Variants in KCNQ1 observed in about 807,000 individuals in gnomAD.
The protein encoded by KCNQ1 is potassium voltage-gated channel subfamily KQT member 1.
KCNQ1 carries 49 observed loss-of-function variants against 72.4 expected under a neutral mutation model. The observed-to-expected ratio is 0.68, with a 90% CI of 0.54 to 0.86. The LOEUF (loss-of-function observed/expected upper bound fraction) is 0.86, where lower values mean the gene tolerates loss of function less well. KCNQ1 is among the 40% of genes least tolerant of loss of function. The pLI is 0.00. For missense variants in KCNQ1, 790 were observed against 945.1 expected, an observed-to-expected ratio of 0.84 and a Z score of 2.15; for synonymous variants, 450 against 412.6, an observed-to-expected ratio of 1.09 and a Z score of -1.10.
intron 13 of KCNQ1, 128 bp from the exon 14 acceptor site, chr11:2,776,858 G>A: frequency 1.1e-6 from 1 of 901,232 alleles, no homozygotes; most frequent in Non-Finnish European, 1.8e-6. Flanking sequence ...AGGGTCGGGG[G>A]TGTCCCCAGA....
rs1486836753 is a variant in KCNQ1 at position 2,653,783 on chromosome 11, C to T, written c.1394-8178C>T. The T allele has an allele frequency of 1.8e-5, 7 of 398,524 alleles. No individual in the cohort carries two copies. Among genetic ancestry groups the T allele is most frequent in the African/African-American group, 1.4e-4 (7 of 48,640 alleles). 24.7% of individuals were successfully genotyped at this position (398,524 alleles called of 1,614,324 possible). Reference sequence around the variant, plus strand: ...GCTGGGGTACAAGCCATCCTTGGACCTGCAGCTGTACCTCCGATGGCTGAG... The same window carrying T: ...GCTGGGGTACAAGCCATCCTTGGACTTGCAGCTGTACCTCCGATGGCTGAG... On this transcript the variant is annotated intron_variant, in intron 10 of 15. Coordinates refer to ENST00000155840, the MANE Select transcript of KCNQ1 (RefSeq NM_000218.3). This position sits in a 1 kb window ranked among gnomAD's most constrained non-coding sequence, Gnocchi z 5.3.
chr11:2,532,890 G>A (rs1159480316), intron 2 of KCNQ1, among the ~76,000 whole-genome samples: 2 of 152,168 alleles, frequency 1.3e-5, no homozygotes, highest in Non-Finnish European at 2.9e-5. Flanking sequence ...GGGGCGCTTC[G>A]GGGAGGTACG....
chr11:2,496,517 T>TTTTTTTTTTTTTTTTC (rs1412837905), intron 1 of KCNQ1, among the ~76,000 whole-genome samples: 1 of 131,594 alleles, frequency 7.6e-6, no homozygotes, highest in Non-Finnish European at 1.6e-5. Context: ...TTTTTTTTTT[T>TTTTTTTTTTTTTTTTC]TTTGCTTTCC....
At chr11:2,792,280 A>T (rs928222411) in intron 15 of KCNQ1, among the ~76,000 whole-genome samples, 2 of 152,062 alleles carry the variant, frequency 1.3e-5, no homozygotes, top group African/African-American at 4.8e-5. Flanking sequence ...CCCTTCTCAA[A>T]CCTGGAGCCC....
In KCNQ1 at chr11:2,515,160, A is replaced by G. The variant is rs1462543816; in HGVS notation, c.387-12768A>G. Among the ~76,000 whole-genome samples, 1 of 151,242 alleles carries G rather than the reference A, an allele frequency of 6.6e-6. No homozygotes were observed. The highest frequency in any genetic ancestry group is 1.5e-5 in the Non-Finnish European group (1 of 67,812). Reference sequence around the variant, plus strand: ...GTTATACTCAATAGGTAATTTTTCAACCCTCCCCCTCTCACCCTCTCCACC... The same window carrying G: ...GTTATACTCAATAGGTAATTTTTCAGCCCTCCCCCTCTCACCCTCTCCACC... On this transcript the variant is annotated intron_variant, in intron 1 of 15. Transcript: ENST00000155840. This position sits in a 1 kb window ranked among gnomAD's most constrained non-coding sequence, Gnocchi z 4.7.
intron 6 of KCNQ1, among the ~76,000 whole-genome samples, chr11:2,580,683 CACAG>C (rs1214942862): frequency 1.2e-4 from 19 of 152,322 alleles, no homozygotes; most frequent in African/African-American, 3.8e-4. Flanking sequence ...GCCTGGGGAA[CACAG>C]ACAGCCCTGT....
In KCNQ1 at chr11:2,669,273, T is replaced by C. The variant is rs1279682107; in HGVS notation, c.1514+7192T>C. ...CTTCCCCATCACTGGCTTTGCTGTC[T>C]TTGCAGGGTTTCTCCTCACCATACA... On this transcript the variant is annotated intron_variant, in intron 11 of 15. Transcript: ENST00000155840. The surrounding 1 kb of genome is among the most constrained non-coding windows in gnomAD (Gnocchi z 5.6). 5.0e-6 allele frequency: 2 copies of C among 398,698 alleles called. No individual in the cohort carries two copies. The highest frequency in any genetic ancestry group is 8.8e-6 in the Non-Finnish European group (2 of 226,122). The allele number at this position is 398,698 out of a possible 1,614,324, so 24.7% of individuals were successfully genotyped here. A position where few individuals can be genotyped will look rare whatever the true frequency, so the allele number is the denominator to read the frequency against.
chr11:2,834,189 C>A (rs757298951), intron 15 of KCNQ1, among the ~76,000 whole-genome samples: 2 of 152,026 alleles, frequency 1.3e-5, no homozygotes, highest in Non-Finnish European at 1.5e-5. Flanking sequence ...TGGCACATGG[C>A]ATGGCTGGGG....
chr11:2,571,948 C>T, intron 4 of KCNQ1, 65 bp from the exon 5 acceptor site: 1 of 1,421,588 alleles, frequency 7.0e-7, no homozygotes, highest in Non-Finnish European at 9.8e-7. Flanking sequence ...TCGGCCAGCC[C>T]TAGGCCCGGC....
At chr11:2,533,527 T>C (rs531485785) in intron 2 of KCNQ1, among the ~76,000 whole-genome samples, 1 of 152,338 alleles carries the variant, frequency 6.6e-6, no homozygotes, top group South Asian at 2.1e-4. Context: ...CCCATGTCTG[T>C]GGAAGTGGCA....
Position 2,565,336 on chromosome 11 carries a change from C to T in KCNQ1, c.478-5292C>T, listed in dbSNP as rs752335920. Among the ~76,000 whole-genome samples the T allele has an allele frequency of 6.6e-4, 101 of 152,112 alleles. No homozygotes were observed. The highest frequency in any genetic ancestry group is 1.1e-3 in the Non-Finnish European group (78 of 68,018). The stretch of plus-strand genomic sequence containing the variant: ...CCCTAATGGATGAGAGGTGGCATCT[C>T]GTTGTGGTCTTGATTTGCATTTCCC... On this transcript the variant is annotated intron_variant, in intron 2 of 15. Transcript: ENST00000155840. The surrounding 1 kb of genome is among the most constrained non-coding windows in gnomAD (Gnocchi z 5.6).
At chr11:2,667,561 T>C in intron 11 of KCNQ1, 1 of 112,508 alleles carries the variant, frequency 8.9e-6, no homozygotes, top group East Asian at 3.1e-4. Context: ...GAGACACTTC[T>C]GGCAGTTGGG....
intron 15 of KCNQ1, among the ~76,000 whole-genome samples, chr11:2,799,662 T>A (rs113093339): frequency 0.01 from 1,527 of 152,272 alleles, 23 homozygotes; most frequent in African/African-American, 0.035. Flanking sequence ...GAGCAGCATC[T>A]GTGCTGTCTG....
intron 15 of KCNQ1, among the ~76,000 whole-genome samples, chr11:2,829,630 G>T (rs944245458): frequency 2.6e-5 from 4 of 151,946 alleles, no homozygotes; most frequent in African/African-American, 7.3e-5. Context: ...GAGGGCAGGG[G>T]CATGAGAACA....
At position 2,562,542 on chromosome 11, in the gene KCNQ1, C is replaced by T. The variant is rs1248693340; in HGVS notation, c.478-8086C>T. Among the ~76,000 whole-genome samples, 4 of 152,178 alleles carry T rather than the reference C, an allele frequency of 2.6e-5. No individual in the cohort carries two copies. The highest frequency in any genetic ancestry group is 5.9e-5 in the Non-Finnish European group (4 of 68,008). On this transcript the variant is annotated intron_variant, in intron 2 of 15. Transcript: ENST00000155840. This position sits in a 1 kb window ranked among gnomAD's most constrained non-coding sequence, Gnocchi z 7.5. ...GGAAGCGCCTGGCTCAGCACAGGCC[C>T]AGCCCTCTGGCTTCCTCGCTATGGG...
Position 2,698,252 on chromosome 11 carries a change from A to C in KCNQ1, c.1514+36171A>C. 2 of 398,530 alleles carry C rather than the reference A, an allele frequency of 5.0e-6. No individual in the cohort carries two copies. The highest frequency in any genetic ancestry group is 7.1e-5 in the East Asian group (2 of 28,100). 24.7% of individuals were successfully genotyped at this position (398,530 alleles called of 1,614,324 possible). ...TGGATATTATCAGGAAAGTTTTTAT[A>C]CTTTGTGATAATCTAAGACAGAACT... On this transcript the variant is annotated intron_variant, in intron 11 of 15. Transcript: ENST00000155840. The surrounding 1 kb of genome is among the most constrained non-coding windows in gnomAD (Gnocchi z 5.1).
chr11:2,555,565 C>A (rs1430369820), intron 2 of KCNQ1, among the ~76,000 whole-genome samples: 1 of 152,234 alleles, frequency 6.6e-6, no homozygotes, highest in Non-Finnish European at 1.5e-5. Flanking sequence ...GCAGGGCAGC[C>A]GGCTTGGGCC....
intron 10 of KCNQ1, chr11:2,656,931 T>C: frequency 2.5e-6 from 1 of 398,618 alleles, no homozygotes; most frequent in Non-Finnish European, 4.4e-6. Flanking sequence ...CAACTTAATG[T>C]TTTTCCAGTG....
At chr11:2,581,588 G>A (rs1476143361) in intron 6 of KCNQ1, among the ~76,000 whole-genome samples, 1 of 152,250 alleles carries the variant, frequency 6.6e-6, no homozygotes, top group Non-Finnish European at 1.5e-5. Context: ...GTGTGCCTGC[G>A]CTGTGCGTTC....
Sources: allele counts gnomAD v4.1 joint callset (sites outside exome capture counted in the v4.1 genomes callset), GRCh38; gene constraint gnomAD v4.1.1; non-coding constraint Gnocchi (gnomAD v3.1); transcripts MANE v1.5; gene names NCBI Gene and HGNC (gene_info 2026-07-23, HGNC 2026-07-21).